EML6: variants seen among roughly 807,000 people sequenced by gnomAD.
EML6 encodes EMAP like 6, also known as echinoderm microtubule-associated protein-like 6.
In EML6, 154 loss-of-function variants were observed where a neutral mutation model predicts 240.1. The observed-to-expected ratio is 0.64, with a 90% CI of 0.56 to 0.73. EML6 has a LOEUF of 0.73. Ranked by LOEUF, EML6 falls within the 30% of genes least tolerant of loss-of-function variation. The pLI is 0.00. For synonymous variants in EML6, 1,148 were observed against 899.0 expected (o/e 1.28, Z -4.95); for missense variants, 2,964 against 2,474.6 (o/e 1.20, Z -4.20).
chr2:54,763,387 C>A (rs569017544), intron 2 of EML6, among the ~76,000 whole-genome samples: 65 of 152,244 alleles, frequency 4.3e-4, no homozygotes, highest in African/African-American at 1.5e-3. Flanking sequence ...TAGGCTTCTC[C>A]CTCTATTCTT....
chr2:54,737,178 T>C (rs542829977), intron 2 of EML6, among the ~76,000 whole-genome samples: 1 of 152,334 alleles, frequency 6.6e-6, no homozygotes, highest in Non-Finnish European at 1.5e-5. Context: ...AATGTACTTA[T>C]CTTAGAAGAT....
intron 35 of EML6, 93 bp from the exon 36 acceptor site, chr2:54,962,430 T>A: frequency 1.0e-6 from 1 of 979,568 alleles, no homozygotes; most frequent in Admixed American, 3.1e-5. Flanking sequence ...CATTCTACTT[T>A]CTGTCTCCAT....
chr2:54,881,358 C>G (rs1441878628), intron 17 of EML6: 1 of 151,886 alleles, frequency 6.6e-6, no homozygotes, highest in Non-Finnish European at 1.5e-5. Flanking sequence ...TAGATAGAAA[C>G]TTTTAAAAAC....
Position 54,820,394 on chromosome 2 carries a change from A to C in EML6, c.457A>C (p.Ile153Leu). 2 of 1,548,030 alleles carry C rather than the reference A, an allele frequency of 1.3e-6. No individual in the cohort carries two copies. The highest frequency in any genetic ancestry group is 8.7e-7 in the Non-Finnish European group (1 of 1,144,248). Reference sequence around the variant, plus strand: ...TGGCAACTTTTAATGTTTTGAACAGATTTTTGATATTTCCTGGGATCCATA... The same window carrying C: ...TGGCAACTTTTAATGTTTTGAACAGCTTTTTGATATTTCCTGGGATCCATA... ...LASATGHSDRIFDISWDPYQP... is the reference protein window; with the variant it reads ...LASATGHSDRLFDISWDPYQP... The change falls in exon 5 of 42, where the codon ATT becomes CTT. Residue 153 changes from isoleucine to leucine, a missense_variant and splice_region_variant. Transcript: ENST00000356458.
At chr2:54,889,716 A>G (rs1257622110) in intron 17 of EML6, among the ~76,000 whole-genome samples, 3 of 152,124 alleles carry the variant, frequency 2.0e-5, no homozygotes, top group Non-Finnish European at 2.9e-5. Flanking sequence ...ATCCTTTGCA[A>G]ATATGAATAG....
intron 28 of EML6, among the ~76,000 whole-genome samples, chr2:54,934,015 A>G (rs1201324963): frequency 6.6e-6 from 1 of 152,170 alleles, no homozygotes; most frequent in Non-Finnish European, 1.5e-5. Flanking sequence ...AGGGAGAATG[A>G]GACAACACGC....
In EML6 at chr2:54,813,280, G is replaced by T. The variant is rs538896477; in HGVS notation, c.246G>T (p.Gly82=). 2.6e-6 allele frequency: 4 copies of T among 1,550,892 alleles called. No individual in the cohort carries two copies. The East Asian group carries it at 9.8e-5, about 38-fold the overall frequency. ...DKTLVATGQV[G]KEPYICIWDS... ...CTCTCGTTGCAACTGGCCAAGTCGG[G>T]AAGGAGCCATATATATGCATATGGG... is the stretch of plus-strand genomic sequence containing the variant. Residue 82 remains glycine (G), a synonymous_variant, in exon 3 of 42, where the codon GGG becomes GGT. Coordinates refer to ENST00000356458, the MANE Select transcript of EML6 (RefSeq NM_001039753.4).
At chr2:54,889,566 T>A (rs562549537) in intron 17 of EML6, among the ~76,000 whole-genome samples, 26 of 151,992 alleles carry the variant, frequency 1.7e-4, no homozygotes, top group African/African-American at 5.8e-4. Context: ...AATAGAGTCC[T>A]CTCCTCCATT....
intron 11 of EML6, among the ~76,000 whole-genome samples, chr2:54,854,459 A>G (rs1338661882): frequency 7.9e-5 from 12 of 152,226 alleles, no homozygotes; most frequent in Non-Finnish European, 1.5e-4. Context: ...GTAGAAGGTG[A>G]TGAATTAACC....
intron 2 of EML6, among the ~76,000 whole-genome samples, chr2:54,755,816 C>T (rs947899646): frequency 1.3e-5 from 2 of 151,948 alleles, no homozygotes; most frequent in African/African-American, 2.4e-5. Flanking sequence ...CAGGCAACCA[C>T]GCCTGGCTAA....
intron 38 of EML6, chr2:54,966,754 C>T (rs962213315): frequency 3.7e-6 from 1 of 270,752 alleles, no homozygotes; most frequent in Non-Finnish European, 7.1e-6. Context: ...GGGAACCACA[C>T]TCAGAGAACC....
intron 31 of EML6, among the ~76,000 whole-genome samples, chr2:54,953,768 T>A (rs1676097434): frequency 6.6e-6 from 1 of 151,434 alleles, no homozygotes; most frequent in Non-Finnish European, 1.5e-5. Flanking sequence ...GTGCCTGTAA[T>A]CCCAGCTACT....
chr2:54,861,502 C>T (rs1041976268), intron 12 of EML6, among the ~76,000 whole-genome samples: 1 of 152,196 alleles, frequency 6.6e-6, no homozygotes, highest in African/African-American at 2.4e-5. Context: ...CTGTGCTCAG[C>T]TTCACTGTGA....
intron 35 of EML6, among the ~76,000 whole-genome samples, chr2:54,961,184 G>GTTGTTTTTTTTTTTTTTTGTTTTTTT: frequency 3.6e-5 from 2 of 55,424 alleles, no homozygotes; most frequent in Non-Finnish European, 6.3e-5. Flanking sequence ...TCAGGAAGTA[G>GTTGTTTTTTTTTTTTTTTGTTTTTTT]TTTTTTTTTT....
At chr2:54,919,804 A>G (rs1465927137) in intron 26 of EML6, among the ~76,000 whole-genome samples, 1 of 152,204 alleles carries the variant, frequency 6.6e-6, no homozygotes, top group Non-Finnish European at 1.5e-5. Context: ...AGTCATTTCA[A>G]GTTGTGTTCC....
intron 26 of EML6, 79 bp downstream of exon 26, chr2:54,917,014 A>T (rs866487140): frequency 1.8e-5 from 20 of 1,131,344 alleles, no homozygotes; most frequent in Middle Eastern, 2.4e-4. Context: ...GCATTTTTAA[A>T]AATTTGAAGT....
At chr2:54,936,755 T>G (rs964571440) in intron 28 of EML6, among the ~76,000 whole-genome samples, 1 of 152,226 alleles carries the variant, frequency 6.6e-6, no homozygotes, top group Admixed American at 6.5e-5. Context: ...TTCTACATTA[T>G]TTTTATAACA....
Position 54,891,066 on chromosome 2 carries a change from T to A in EML6, c.2451T>A (p.Asp817Glu). 2 of 1,472,664 alleles carry A rather than the reference T, an allele frequency of 1.4e-6. No homozygotes were observed. The highest frequency in any genetic ancestry group is 5.0e-5 in the East Asian group (2 of 39,972). 91.2% of individuals were successfully genotyped at this position (1,472,664 alleles called of 1,614,324 possible). ...TTGTCTCTTACAGAGGACATAAAGA[T>A]AAGATATTTGTGGTAAAGTGTAACC... ...EKIATTRGHKDKIFVVKCNPH... is the reference protein window; with the variant it reads ...EKIATTRGHKEKIFVVKCNPH... The change falls in exon 18 of 42, where the codon GAT (aspartate) becomes GAA (glutamate). Residue 817 changes from aspartate (D) to glutamate (E), a missense_variant. Physicochemically the swap from Asp to Glu is conservative, Grantham distance 45. Coordinates refer to ENST00000356458, the MANE Select transcript of EML6 (RefSeq NM_001039753.4).
At chr2:54,803,849 C>A (rs1357017437) in intron 2 of EML6, among the ~76,000 whole-genome samples, 1 of 152,174 alleles carries the variant, frequency 6.6e-6, no homozygotes, top group Non-Finnish European at 1.5e-5. Flanking sequence ...TACAGCTGGT[C>A]ACCTCTCCCT....
Sources: gnomAD v4.1 joint callset for allele counts (sites outside exome capture counted in the v4.1 genomes callset) on GRCh38, gnomAD v4.1.1 for gene constraint, MANE v1.5 for transcripts, NCBI Gene and HGNC (gene_info 2026-07-23, HGNC 2026-07-21) for gene names.